The following ROBO1 variants were observed in gnomAD, a reference collection of about 807,000 sequenced individuals.
ROBO1 encodes roundabout homolog 1.
ROBO1 carries 149 observed loss-of-function variants against 195.9 expected under a neutral mutation model. The ratio of observed to expected loss-of-function variants is 0.76; its 90% CI spans 0.67 to 0.87. The LOEUF (loss-of-function observed/expected upper bound fraction) is 0.87, where lower values mean the gene tolerates loss of function less well. ROBO1 is among the 40% of genes least tolerant of loss of function. The probability of loss-of-function intolerance (pLI) is 0.00; values close to 1 mark genes in which losing one functional copy is unlikely to be tolerated. For missense variants in ROBO1, 1,933 were observed against 2,068.3 expected, an observed-to-expected ratio of 0.93 and a Z score of 1.27; for synonymous variants, 816 against 733.2, an observed-to-expected ratio of 1.11 and a Z score of -1.82.
At chr3:79,097,969 G>T (rs1402199766) in intron 3 of ROBO1, among the ~76,000 whole-genome samples, 1 of 151,534 alleles carries the variant, frequency 6.6e-6, no homozygotes, top group Admixed American at 6.6e-5. Flanking sequence ...CATGATATAT[G>T]AATTTGTACA....
chr3:79,533,529 G>C (rs900002593), intron 2 of ROBO1, among the ~76,000 whole-genome samples: 1 of 152,022 alleles, frequency 6.6e-6, no homozygotes, highest in Non-Finnish European at 1.5e-5. Context: ...ACTGCTATAG[G>C]TGATTGGAAA....
chr3:79,099,607 G>A (rs1426931842), intron 3 of ROBO1, among the ~76,000 whole-genome samples: 1 of 151,742 alleles, frequency 6.6e-6, no homozygotes, highest in Non-Finnish European at 1.5e-5. Context: ...TTGGATTTGT[G>A]TAGATCACCA....
At chr3:79,590,526 A>T (rs1161985206) in intron 1 of ROBO1, among the ~76,000 whole-genome samples, 3 of 151,744 alleles carry the variant, frequency 2.0e-5, no homozygotes, top group African/African-American at 7.2e-5. Context: ...GTGTCCTTGT[A>T]AAAAAACAAA....
chr3:79,610,153 C>T (rs947468889), intron 1 of ROBO1, among the ~76,000 whole-genome samples: 4 of 151,850 alleles, frequency 2.6e-5, no homozygotes, highest in Non-Finnish European at 5.9e-5. Context: ...ATACAGTCGT[C>T]TCTCTTTATC....
intron 2 of ROBO1, among the ~76,000 whole-genome samples, chr3:79,148,606 T>C (rs2080702140): frequency 6.6e-6 from 1 of 151,862 alleles, no homozygotes; most frequent in South Asian, 2.1e-4. Context: ...ATAGTCTATA[T>C]TGAGTGGGAA....
At chr3:79,422,720 T>A (rs770541889) in intron 2 of ROBO1, among the ~76,000 whole-genome samples, 18 of 152,174 alleles carry the variant, frequency 1.2e-4, no homozygotes, top group Non-Finnish European at 2.5e-4. Flanking sequence ...TTTTAACAGA[T>A]GTCATACCTA....
In ROBO1 at chr3:79,166,659, G is replaced by A. The variant is rs532843739; in HGVS notation, c.89-41120C>T. Reference sequence around the variant, plus strand: ...CGGCTCACTGCAAGCTCCGCCTCCCGGGTTCGCGCCATTCTCCTGCCTCAG... The same window carrying A: ...CGGCTCACTGCAAGCTCCGCCTCCCAGGTTCGCGCCATTCTCCTGCCTCAG... On this transcript the variant is annotated intron_variant, in intron 2 of 30. Coordinates refer to ENST00000464233, the MANE Select transcript of ROBO1 (RefSeq NM_002941.4). Among the ~76,000 whole-genome samples, 943 of 150,812 alleles carry A rather than the reference G, an allele frequency of 6.3e-3. 15 individuals carry two copies. The highest frequency in any genetic ancestry group is 0.021 in the African/African-American group (867 of 40,988).
intron 3 of ROBO1, among the ~76,000 whole-genome samples, chr3:78,943,930 G>T (rs912599407): frequency 2.6e-5 from 4 of 152,100 alleles, no homozygotes; most frequent in African/African-American, 9.7e-5. Context: ...TGAGTGATTG[G>T]TTAACTTTAA....
chr3:78,860,733 C>A (rs181571627), intron 4 of ROBO1, among the ~76,000 whole-genome samples: 5 of 152,136 alleles, frequency 3.3e-5, no homozygotes, highest in African/African-American at 1.2e-4. Context: ...CTTCCAGAAC[C>A]CTTGAGGTAT....
At chr3:79,740,335 G>T (rs976487053) in intron 1 of ROBO1, among the ~76,000 whole-genome samples, 18 of 150,304 alleles carry the variant, frequency 1.2e-4, no homozygotes, top group African/African-American at 3.9e-4. Context: ...TTGCTTATGG[G>T]AATCCATTAA....
chr3:79,411,731 GTGTGGAGCTTACGGAA>G (rs1367545099), intron 2 of ROBO1, among the ~76,000 whole-genome samples: 2 of 152,146 alleles, frequency 1.3e-5, no homozygotes, highest in East Asian at 1.9e-4. Flanking sequence ...TATTGCAGAT[GTGTGGAGCTTACGGAA>G]TGTGGAGCCC....
intron 2 of ROBO1, among the ~76,000 whole-genome samples, chr3:79,434,180 CA>C (rs1559896272): frequency 6.6e-6 from 1 of 152,080 alleles, no homozygotes; most frequent in African/African-American, 2.4e-5. Context: ...TCTAAAACAC[CA>C]AAAGCAATGG....
chr3:78,600,096 G>C lies in ROBO1; in HGVS notation c.4941+17C>G. 6.3e-7 allele frequency: 1 copy of C among 1,597,288 alleles called. No homozygotes were observed. The highest frequency in any genetic ancestry group is 8.6e-7 in the Non-Finnish European group (1 of 1,165,592). ...CACAGTCTAACATTGGTAAACTTGG[G>C]GAAAAATTATAGATACCTCTAATTC... On this transcript the variant is annotated intron_variant, in intron 30 of 30. Transcript: ENST00000464233.
chr3:79,746,780 T>G (rs959095372), intron 1 of ROBO1, among the ~76,000 whole-genome samples: 1 of 152,064 alleles, frequency 6.6e-6, no homozygotes, highest in Non-Finnish European at 1.5e-5. Context: ...TTTTCAGAGA[T>G]AGCCTAAAAT....
chr3:78,939,733 A>AT (rs1245340601), intron 3 of ROBO1, among the ~76,000 whole-genome samples: 2 of 151,504 alleles, frequency 1.3e-5, no homozygotes, highest in Non-Finnish European at 2.9e-5. Context: ...AAAAAAAAGT[A>AT]TATACACTTC....
chr3:79,636,830 G>A (rs1945509792), intron 1 of ROBO1, among the ~76,000 whole-genome samples: 1 of 152,104 alleles, frequency 6.6e-6, no homozygotes, highest in Non-Finnish European at 1.5e-5. Context: ...AGATTTACAG[G>A]GAATGACTGA....
rs111737231 is a variant in ROBO1, at chr3:79,434,797, A to C, written c.88+155027T>G. Among the ~76,000 whole-genome samples the C allele has an allele frequency of 8.8e-4, 134 of 152,300 alleles. 1 individual carries two copies. In the Middle Eastern group the frequency reaches 0.02, roughly 23 times the overall value. ...ATTGTGGCACTATTCACAATAGCAA[A>C]GACTTGGAACCAACCCAAATGTCCA... On this transcript the variant is annotated intron_variant, in intron 2 of 30. Transcript: ENST00000464233.
At chr3:79,232,466 A>G (rs1357937145) in intron 2 of ROBO1, among the ~76,000 whole-genome samples, 1 of 151,554 alleles carries the variant, frequency 6.6e-6, no homozygotes, top group Non-Finnish European at 1.5e-5. Context: ...AGAAAAAAAA[A>G]ACAAACATCA....
At chr3:78,911,614 A>G (rs2038244801) in intron 4 of ROBO1, among the ~76,000 whole-genome samples, 1 of 152,068 alleles carries the variant, frequency 6.6e-6, no homozygotes, top group Non-Finnish European at 1.5e-5. Context: ...GTAAGGTGTC[A>G]TGCACTAGTA....
Sources: gnomAD v4.1 joint callset for allele counts (sites outside exome capture counted in the v4.1 genomes callset) on GRCh38, gnomAD v4.1.1 for gene constraint, MANE v1.5 for transcripts, NCBI Gene and HGNC (gene_info 2026-07-23, HGNC 2026-07-21) for gene names.